Variants in S1PR2 observed in about 807,000 individuals in gnomAD.
S1PR2 encodes sphingosine-1-phosphate receptor 2, also known as sphingosine 1-phosphate receptor 2.
In S1PR2, 9 loss-of-function variants were observed where a neutral mutation model predicts 16.1. That is an observed-to-expected ratio of 0.56 (90% CI 0.34 to 0.98). S1PR2 has a LOEUF of 0.98. Among genes scored for constraint, S1PR2 ranks in the 50% least tolerant of loss-of-function variants. The pLI, the probability that S1PR2 is intolerant of heterozygous loss-of-function variation, is 0.02. For missense variants in S1PR2, 361 were observed against 488.4 expected, an observed-to-expected ratio of 0.74 and a Z score of 2.46; for synonymous variants, 224 against 233.9, an observed-to-expected ratio of 0.96 and a Z score of 0.38.
chr19:10,230,718 C>T (rs1263223698), intron 1 of S1PR2, among the ~76,000 whole-genome samples: 2 of 152,252 alleles, frequency 1.3e-5, no homozygotes, highest in Non-Finnish European at 2.9e-5. Flanking sequence ...GCCGGGGGAC[C>T]GGAGGAGGCA....
Position 10,224,818 on chromosome 19 carries a change from T to G in S1PR2, c.88A>C (p.Thr30Pro), listed in dbSNP as rs1599235585. ...YTKETLETQE[T>P]TSRQVASAFI... The stretch of plus-strand genomic sequence containing the variant: ...GCCGAGGCCACCTGGCGGGAGGTCG[T>G]CTCCTGCGTTTCCAGCGTCTCCTTG... Residue 30 changes from threonine to proline, a missense_variant, in exon 2 of 2, where the codon ACG becomes CCG. Physicochemically the swap from Thr to Pro is conservative, Grantham distance 38. Transcript: ENST00000646641. 1 of 1,614,208 alleles carries G rather than the reference T, an allele frequency of 6.2e-7. No individual in the cohort carries two copies. Among genetic ancestry groups the G allele is most frequent in the Non-Finnish European group, 8.5e-7 (1 of 1,180,030 alleles).
intron 1 of S1PR2, among the ~76,000 whole-genome samples, chr19:10,230,850 G>A (rs796377092): frequency 6.6e-6 from 1 of 152,332 alleles, no homozygotes; most frequent in African/African-American, 2.4e-5. Flanking sequence ...GCCGGAGTCA[G>A]CCAGGAGGGG....
rs2116942 is a variant in S1PR2 at position 10,223,987 on chromosome 19, T to A, written c.919A>T (p.Arg307Trp). The A allele has an allele frequency of 1.2e-4, 193 of 1,609,182 alleles. No homozygotes were observed. In the East Asian group the frequency reaches 3.6e-3, roughly 30 times the overall value. The stretch of plus-strand genomic sequence containing the variant: ...CGTCCTTGCACCCCCACCCCCGGCC[T>A]CCAGCACTGCAGCGGCCGAAGCACC... ...REVLRPLQCWRPGVGVQGRRR... is the reference protein window; with the variant it reads ...REVLRPLQCWWPGVGVQGRRR... Residue 307 changes from arginine to tryptophan, a missense_variant, in exon 2 of 2, where the codon AGG (arginine) becomes TGG (tryptophan). By Grantham distance (101) the Arg-to-Trp change is moderately radical. Transcript: ENST00000646641.
At chr19:10,230,435 G>C (rs1599238733) in intron 1 of S1PR2, 1 of 154,590 alleles carries the variant, frequency 6.5e-6, no homozygotes, top group Admixed American at 6.5e-5. Flanking sequence ...GCGCCTGGCC[G>C]TGTCGCCCCA....
At chr19:10,230,999 G>C (rs566353132) in intron 1 of S1PR2, among the ~76,000 whole-genome samples, 1 of 152,332 alleles carries the variant, frequency 6.6e-6, no homozygotes, top group Admixed American at 6.5e-5. Context: ...AAGGCGGGGA[G>C]CACAGTCTGC....
chr19:10,229,913 A>C (rs2039659436), intron 1 of S1PR2, among the ~76,000 whole-genome samples: 1 of 152,276 alleles, frequency 6.6e-6, no homozygotes, highest in East Asian at 1.9e-4. Flanking sequence ...GGAGCAAGTC[A>C]GTTATCAGCC....
At position 10,222,733 on chromosome 19, in the gene S1PR2, C is replaced by T. The variant is rs1159529536; in HGVS notation, c.*1111G>A. The T allele has an allele frequency of 6.6e-6, 1 of 152,200 alleles. No individual in the cohort carries two copies. Among genetic ancestry groups the T allele is most frequent in the Non-Finnish European group, 1.5e-5 (1 of 68,056 alleles). The allele number at this position is 152,200 out of a possible 1,614,324, so 9.4% of individuals were successfully genotyped here. On this transcript the variant is annotated 3_prime_UTR_variant, in exon 2 of 2. Transcript: ENST00000646641. Reference sequence around the variant, plus strand: ...GCTGTGGATTTGGGCTCTGGATGGTCAGAGAGGAGGCCTCTAGCTCCTCAG... The same window carrying T: ...GCTGTGGATTTGGGCTCTGGATGGTTAGAGAGGAGGCCTCTAGCTCCTCAG...
At chr19:10,229,880 A>G (rs979715483) in intron 1 of S1PR2, among the ~76,000 whole-genome samples, 1 of 152,188 alleles carries the variant, frequency 6.6e-6, no homozygotes, top group African/African-American at 2.4e-5. Context: ...GCTTCCACCT[A>G]GACAGTCAAT....
chr19:10,223,168 C>CAAAAAAAAAAAAAAAA lies in S1PR2; in HGVS notation c.*660_*675dup. ...TGGGCAACAGAGCGAGACTTCATCT[C>CAAAAAAAAAAAAAAAA]AAAAAAAAAAAAAAAAAAAAAAAAA... On this transcript the variant is annotated 3_prime_UTR_variant, in exon 2 of 2. Transcript: ENST00000646641. 3.2e-5 allele frequency: 1 copy of CAAAAAAAAAAAAAAAA among 31,342 alleles called. No homozygotes were observed. The highest frequency in any genetic ancestry group is 5.1e-5 in the Non-Finnish European group (1 of 19,630). The allele number at this position is 31,342 out of a possible 1,614,324, so 1.9% of individuals were successfully genotyped here.
chr19:10,229,971 A>G (rs2039659839), intron 1 of S1PR2, among the ~76,000 whole-genome samples: 1 of 145,834 alleles, frequency 6.9e-6, no homozygotes, highest in Middle Eastern at 3.5e-3. Context: ...AACGTGTGGA[A>G]TGGGCAAATG....
At position 10,226,469 on chromosome 19, in the gene S1PR2, T is replaced by C. The variant is rs185311251; in HGVS notation, c.-42-1522A>G. Among the ~76,000 whole-genome samples the C allele has an allele frequency of 2.0e-4, 31 of 152,310 alleles. No individual in the cohort carries two copies. In the East Asian group the frequency reaches 5.0e-3, roughly 25 times the overall value. ...CATGGGGGTGATGGGAAAATCCTTT[T>C]AAATGACGCATGAGGCACGTTTAGC... is the stretch of plus-strand genomic sequence containing the variant. On this transcript the variant is annotated intron_variant, in intron 1 of 1. Coordinates refer to ENST00000646641, the MANE Select transcript of S1PR2 (RefSeq NM_004230.4).
intron 1 of S1PR2, among the ~76,000 whole-genome samples, 161 bp downstream of exon 1, chr19:10,231,043 A>C (rs537511244): frequency 6.6e-6 from 1 of 152,278 alleles, no homozygotes; most frequent in Middle Eastern, 3.4e-3. Context: ...GGCCGCCCGG[A>C]TTCTTGGAGA....
chr19:10,230,062 C>T (rs776929631), intron 1 of S1PR2, among the ~76,000 whole-genome samples: 14 of 152,204 alleles, frequency 9.2e-5, no homozygotes, highest in Admixed American at 5.2e-4. Flanking sequence ...TCAGCCCAGA[C>T]CCAAACAGCA....
chr19:10,226,281 TGA>T (rs2039634003), intron 1 of S1PR2, among the ~76,000 whole-genome samples: 1 of 152,172 alleles, frequency 6.6e-6, no homozygotes, highest in Admixed American at 6.5e-5. Flanking sequence ...AGGGCGGCCC[TGA>T]GATTCAAACA....
chr19:10,228,023 G>A (rs1047978174), intron 1 of S1PR2, among the ~76,000 whole-genome samples: 3 of 151,942 alleles, frequency 2.0e-5, no homozygotes, highest in Admixed American at 6.6e-5. Context: ...TGTTTAGGCC[G>A]GGCGCAGTGG....
chr19:10,230,798 C>T (rs539304898), intron 1 of S1PR2, among the ~76,000 whole-genome samples: 2 of 152,228 alleles, frequency 1.3e-5, no homozygotes, highest in African/African-American at 4.8e-5. Flanking sequence ...CGCCCCTTGG[C>T]TTGGAGGCTC....
Position 10,224,515 on chromosome 19 carries a change from G to A in S1PR2, c.391C>T (p.His131Tyr), listed in dbSNP as rs760106219. 1 of 1,613,848 alleles carries A rather than the reference G, an allele frequency of 6.2e-7. No individual in the cohort carries two copies. The highest frequency in any genetic ancestry group is 8.5e-7 in the Non-Finnish European group (1 of 1,180,052). The change falls in exon 2 of 2, where the codon CAC (histidine) becomes TAC (tyrosine). Residue 131 changes from histidine (H) to tyrosine (Y), a missense_variant. Physicochemically the swap from His to Tyr is moderately conservative, Grantham distance 83. Transcript: ENST00000646641. ...AGCTTGACCTTGGCAATGGCCACGT[G>A]GCGCTCAATGGCGATGGCCAGGAGG... ...FSLLAIAIER[H>Y]VAIAKVKLYG...
intron 1 of S1PR2, among the ~76,000 whole-genome samples, chr19:10,226,589 G>A (rs1275733943): frequency 1.3e-5 from 2 of 152,100 alleles, no homozygotes; most frequent in Non-Finnish European, 2.9e-5. Flanking sequence ...CCAACCAGAC[G>A]AGATCTCCAA....
Position 10,224,309 on chromosome 19 carries a change from G to T in S1PR2, c.597C>A (p.Ser199=). 1 of 1,614,132 alleles carries T rather than the reference G, an allele frequency of 6.2e-7. No individual in the cohort carries two copies. The highest frequency in any genetic ancestry group is 2.2e-5 in the East Asian group (1 of 44,892). ...GGGCCACGATGGCCAACAGGATGAT[G>T]GAGAAGATGGTCACCACGCACAGCA... ...HYVLCVVTIF[S]IILLAIVALY... The change falls in exon 2 of 2, where the codon TCC becomes TCA. Residue 199 remains serine, a synonymous_variant. Transcript: ENST00000646641.
Sources: gnomAD v4.1 joint callset for allele counts (sites outside exome capture counted in the v4.1 genomes callset) on GRCh38, gnomAD v4.1.1 for gene constraint, MANE v1.5 for transcripts, NCBI Gene and HGNC (gene_info 2026-07-23, HGNC 2026-07-21) for gene names.